CHML: variants seen among roughly 807,000 people sequenced by gnomAD.
The protein encoded by CHML is rab proteins geranylgeranyltransferase component A 2.
In CHML, 20 loss-of-function variants were observed where a neutral mutation model predicts 30.4. That is an observed-to-expected ratio of 0.66 (90% CI 0.46 to 0.95). The LOEUF is 0.95. Ranked by LOEUF, CHML falls within the 40% of genes least tolerant of loss-of-function variation. The probability of loss-of-function intolerance (pLI) is 0.00; values close to 1 mark genes in which losing one functional copy is unlikely to be tolerated. For missense variants in CHML, 795 were observed against 768.5 expected (o/e 1.03, Z -0.41); for synonymous variants, 281 against 275.0 (o/e 1.02, Z -0.22).
Position 241,635,833 on chromosome 1 carries a change from A to G in CHML, c.-67T>C. 6.8e-7 allele frequency: 1 copy of G among 1,470,616 alleles called. No individual in the cohort carries two copies. The highest frequency in any genetic ancestry group is 9.2e-7 in the Non-Finnish European group (1 of 1,083,288). The allele number at this position is 1,470,616 out of a possible 1,614,324, so 91.1% of individuals were successfully genotyped here. ...AAATGAGGTGTGATTATGCTGTAAT[A>G]AAATCTGTCCTTCTGATGTTCCAGT... is the stretch of plus-strand genomic sequence containing the variant. On this transcript the variant is annotated 5_prime_UTR_variant, in exon 2 of 2. Transcript: ENST00000366553.
At chr1:241,639,380 C>G (rs1446594133) in intron 1 of CHML, 1 of 152,196 alleles carries the variant, frequency 6.6e-6, no homozygotes, top group Non-Finnish European at 1.5e-5. Context: ...TTTTTTTACA[C>G]ATTGTTATTT....
rs1222331869 is a variant in CHML at position 241,636,077 on chromosome 1, AAAG to A, written c.-307-7_-307-5del. Reference sequence around the variant, plus strand: ...CATTTGTGACTGGAACTCTTCTCTGAAAGAAGAAAATTCAAGAAAGAATACATT... The same window carrying A: ...CATTTGTGACTGGAACTCTTCTCTGAAAGAAAATTCAAGAAAGAATACATT... On this transcript the variant is annotated splice_region_variant and splice_polypyrimidine_tract_variant and intron_variant, in intron 1 of 1. Transcript: ENST00000366553. The A allele has an allele frequency of 6.8e-6, 3 of 439,812 alleles. No homozygotes were observed. Among genetic ancestry groups the A allele is most frequent in the Non-Finnish European group, 8.0e-6 (2 of 250,394 alleles). 27.2% of individuals were successfully genotyped at this position (439,812 alleles called of 1,614,324 possible).
In CHML at chr1:241,635,046, G is replaced by C. The variant is rs753279111; in HGVS notation, c.721C>G (p.Gln241Glu). 2 of 1,613,060 alleles carry C rather than the reference G, an allele frequency of 1.2e-6. No homozygotes were observed. The highest frequency in any genetic ancestry group is 1.7e-6 in the Non-Finnish European group (2 of 1,179,806). The change falls in exon 2 of 2, where the codon CAA (glutamine) becomes GAA (glutamate). Residue 241 changes from glutamine to glutamate, a missense_variant. By Grantham distance (29) the Gln-to-Glu change is conservative. Coordinates refer to ENST00000366553, the MANE Select transcript of CHML (RefSeq NM_001381853.1). ...IDLVSKLLYS[Q>E]GLLIDLLIKS... Reference sequence around the variant, plus strand: ...ATTAAAAGATCAATTAGCAATCCTTGAGAATACAGCAGTTTTGACACCAAA... The same window carrying C: ...ATTAAAAGATCAATTAGCAATCCTTCAGAATACAGCAGTTTTGACACCAAA...
At position 241,635,955 on chromosome 1, in the gene CHML, CAA is replaced by C; in HGVS notation, c.-191_-190del. 1.7e-6 allele frequency: 1 copy of C among 583,252 alleles called. No homozygotes were observed. The highest frequency in any genetic ancestry group is 3.5e-5 in the Admixed American group (1 of 28,626). 36.1% of individuals were successfully genotyped at this position (583,252 alleles called of 1,614,324 possible). A position where few individuals can be genotyped will look rare whatever the true frequency, so the allele number is the denominator to read the frequency against. On this transcript the variant is annotated 5_prime_UTR_variant, in exon 2 of 2. The change abolishes the stop of an existing upstream ORF in the 5' untranslated region. Transcript: ENST00000366553. ...TAAGTCAGTAGCATAAAAACATGAG[CAA>C]GTACATCTAATCACATCTGAGAATA...
intron 1 of CHML, chr1:241,639,355 G>A (rs963753487): frequency 7.9e-5 from 12 of 152,168 alleles, no homozygotes; most frequent in African/African-American, 2.4e-4. Context: ...AGGTTTACAA[G>A]TACTAATGAG....
rs962179658 is a variant in CHML at position 241,629,916 on chromosome 1, A to AT, written c.*3879dup. ...TAAGGATTTGGAGAGCAAGGCTCCC[A>AT]TTTTTTCCCCCTAAATTAAAAAAAC... is the stretch of plus-strand genomic sequence containing the variant. On this transcript the variant is annotated 3_prime_UTR_variant, in exon 2 of 2. Coordinates refer to ENST00000366553, the MANE Select transcript of CHML (RefSeq NM_001381853.1). The AT allele has an allele frequency of 2.0e-5, 3 of 151,938 alleles. No individual in the cohort carries two copies. The highest frequency in any genetic ancestry group is 7.2e-5 in the African/African-American group (3 of 41,402). The allele number at this position is 151,938 out of a possible 1,614,324, so 9.4% of individuals were successfully genotyped here.
chr1:241,639,800 G>A, intron 1 of CHML, 82 bp downstream of exon 1: 2 of 1,305,848 alleles, frequency 1.5e-6, no homozygotes, highest in Non-Finnish European at 2.0e-6. Flanking sequence ...GGGCGGGCTG[G>A]GGGGCGGACG....
In CHML at chr1:241,631,058, C is replaced by T. The variant is rs907203647; in HGVS notation, c.*2738G>A. 6.6e-6 allele frequency: 1 copy of T among 152,152 alleles called. No individual in the cohort carries two copies. Among genetic ancestry groups the T allele is most frequent in the African/African-American group, 2.4e-5 (1 of 41,542 alleles). 9.4% of individuals were successfully genotyped at this position (152,152 alleles called of 1,614,324 possible). A position where few individuals can be genotyped will look rare whatever the true frequency, so the allele number is the denominator to read the frequency against. On this transcript the variant is annotated 3_prime_UTR_variant, in exon 2 of 2. Transcript: ENST00000366553. ...CTGTCCTTCATGATACATGGATAGACATTATTTAAACATTTGAAAAAGTTC... is the reference window on the plus strand; with the variant it reads ...CTGTCCTTCATGATACATGGATAGATATTATTTAAACATTTGAAAAAGTTC...
Position 241,631,640 on chromosome 1 carries a change from GATA to G in CHML, c.*2153_*2155del, listed in dbSNP as rs1333374224. ...GTGTATTCCGAACAAATTTTGGCCT[GATA>G]ATATTTTTTGTAACACAATCTTCAG... On this transcript the variant is annotated 3_prime_UTR_variant, in exon 2 of 2. Transcript: ENST00000366553. 2.6e-5 allele frequency: 4 copies of G among 152,088 alleles called. No individual in the cohort carries two copies. Among genetic ancestry groups the G allele is most frequent in the Admixed American group, 6.5e-5 (1 of 15,268 alleles). 9.4% of individuals were successfully genotyped at this position (152,088 alleles called of 1,614,324 possible).
At chr1:241,637,684 G>A (rs1294435664) in intron 1 of CHML, among the ~76,000 whole-genome samples, 2 of 152,198 alleles carry the variant, frequency 1.3e-5, no homozygotes, top group Non-Finnish European at 2.9e-5. Context: ...TGCAAAGCAA[G>A]TAGGATGGCC....
chr1:241,634,718 G>C lies in CHML; in HGVS notation c.1049C>G (p.Ser350Cys), dbSNP rs1263495588. Reference sequence around the variant, plus strand: ...GTTAAGACCATCTATTGTAGTGCAAGATGATTCTGATGTCATTGCAATTGA... The same window carrying C: ...GTTAAGACCATCTATTGTAGTGCAACATGATTCTGATGTCATTGCAATTGA... ...LHSIAMTSES[S>C]CTTIDGLNAT... Residue 350 changes from serine (S) to cysteine (C), a missense_variant, in exon 2 of 2, where the codon TCT (serine) becomes TGT (cysteine). Transcript: ENST00000366553. The C allele has an allele frequency of 1.2e-6, 2 of 1,613,960 alleles. No homozygotes were observed. The highest frequency in any genetic ancestry group is 1.7e-6 in the Non-Finnish European group (2 of 1,179,862).
Position 241,640,012 on chromosome 1 carries a change from G to A in CHML, c.-438C>T. 2 of 1,613,462 alleles carry A rather than the reference G, an allele frequency of 1.2e-6. No individual in the cohort carries two copies. The highest frequency in any genetic ancestry group is 1.7e-6 in the Non-Finnish European group (2 of 1,179,758). Reference sequence around the variant, plus strand: ...CCAGCAGGTCGCTGAGGCTGATGTTGACCAGGAGGAGGTGAGTGGGAGTGC... The same window carrying A: ...CCAGCAGGTCGCTGAGGCTGATGTTAACCAGGAGGAGGTGAGTGGGAGTGC... On this transcript the variant is annotated 5_prime_UTR_variant, in exon 1 of 2. Coordinates refer to ENST00000366553, the MANE Select transcript of CHML (RefSeq NM_001381853.1).
rs1394111213 is a variant in CHML, at chr1:241,632,112, G to A, written c.*1684C>T. 1 of 152,098 alleles carries A rather than the reference G, an allele frequency of 6.6e-6. No homozygotes were observed. The highest frequency in any genetic ancestry group is 1.9e-4 in the East Asian group (1 of 5,190). The allele number at this position is 152,098 out of a possible 1,614,324, so 9.4% of individuals were successfully genotyped here. ...CCTGGTGGGAGATAACTGAATCATG[G>A]AGTTGTTTCCCCCATACTGTTCTCA... On this transcript the variant is annotated 3_prime_UTR_variant, in exon 2 of 2. Coordinates refer to ENST00000366553, the MANE Select transcript of CHML (RefSeq NM_001381853.1).
In CHML at chr1:241,639,931, C is replaced by T. The variant is rs1299491448; in HGVS notation, c.-357G>A. 3.1e-6 allele frequency: 5 copies of T among 1,607,370 alleles called. No individual in the cohort carries two copies. The highest frequency in any genetic ancestry group is 4.2e-6 in the Non-Finnish European group (5 of 1,177,318). On this transcript the variant is annotated 5_prime_UTR_variant, in exon 1 of 2. The change creates a new upstream start codon in the 5' untranslated region. Coordinates refer to ENST00000366553, the MANE Select transcript of CHML (RefSeq NM_001381853.1). ...CCCACACGCAGCCCACGGTGTCCCA[C>T]ACCCAGCCGTTCCTCAGGCAGGACA... is the stretch of plus-strand genomic sequence containing the variant.
In CHML at chr1:241,630,780, G is replaced by A. The variant is rs1238239324; in HGVS notation, c.*3016C>T. 1 of 151,938 alleles carries A rather than the reference G, an allele frequency of 6.6e-6. No homozygotes were observed. The highest frequency in any genetic ancestry group is 1.5e-5 in the Non-Finnish European group (1 of 67,934). The allele number at this position is 151,938 out of a possible 1,614,324, so 9.4% of individuals were successfully genotyped here. ...ATTGCCAGAGAAATAATTAAATCAAGGGTGAATGATGAATTTTTGAAAAGT... is the reference window on the plus strand; with the variant it reads ...ATTGCCAGAGAAATAATTAAATCAAAGGTGAATGATGAATTTTTGAAAAGT... On this transcript the variant is annotated 3_prime_UTR_variant, in exon 2 of 2. Transcript: ENST00000366553.
In CHML at chr1:241,629,672, T is replaced by C. The variant is rs1300465385; in HGVS notation, c.*4124A>G. On this transcript the variant is annotated 3_prime_UTR_variant, in exon 2 of 2. Transcript: ENST00000366553. ...GCCATGAAGTTCCTTTATACCACTATTGGTGTGAGACTTGTAGTATTTTTC... is the reference window on the plus strand; with the variant it reads ...GCCATGAAGTTCCTTTATACCACTACTGGTGTGAGACTTGTAGTATTTTTC... 1 of 152,110 alleles carries C rather than the reference T, an allele frequency of 6.6e-6. No homozygotes were observed. Among genetic ancestry groups the C allele is most frequent in the Non-Finnish European group, 1.5e-5 (1 of 67,940 alleles). The allele number at this position is 152,110 out of a possible 1,614,324, so 9.4% of individuals were successfully genotyped here.
rs1187184829 is a variant in CHML, at chr1:241,633,121, A to G, written c.*675T>C. 2.0e-5 allele frequency: 3 copies of G among 152,174 alleles called. No individual in the cohort carries two copies. The highest frequency in any genetic ancestry group is 1.3e-4 in the Admixed American group (2 of 15,272). 9.4% of individuals were successfully genotyped at this position (152,174 alleles called of 1,614,324 possible). A position where few individuals can be genotyped will look rare whatever the true frequency, so the allele number is the denominator to read the frequency against. On this transcript the variant is annotated 3_prime_UTR_variant, in exon 2 of 2. Transcript: ENST00000366553. ...CTTTACAACCACTAATTGAACTCCA[A>G]TTCTTTTTGTAAATTAGAATACTGT...
Position 241,631,820 on chromosome 1 carries a change from C to T in CHML, c.*1976G>A, listed in dbSNP as rs970334884. 7 of 152,112 alleles carry T rather than the reference C, an allele frequency of 4.6e-5. No homozygotes were observed. Among genetic ancestry groups the T allele is most frequent in the Non-Finnish European group, 1.0e-4 (7 of 68,000 alleles). The allele number at this position is 152,112 out of a possible 1,614,324, so 9.4% of individuals were successfully genotyped here. A position where few individuals can be genotyped will look rare whatever the true frequency, so the allele number is the denominator to read the frequency against. On this transcript the variant is annotated 3_prime_UTR_variant, in exon 2 of 2. Coordinates refer to ENST00000366553, the MANE Select transcript of CHML (RefSeq NM_001381853.1). ...AGGACCAGTGTGTGCTTTTTACCCCCGGCAATGCTAGACTAATTTTCGTGG... is the reference window on the plus strand; with the variant it reads ...AGGACCAGTGTGTGCTTTTTACCCCTGGCAATGCTAGACTAATTTTCGTGG...
rs1487005336 is a variant in CHML, at chr1:241,633,228, C to T, written c.*568G>A. Reference sequence around the variant, plus strand: ...CCTTCACAGTGCATAAAGGATCATGCAAAGCTAATCTTTAAACGATTATAG... The same window carrying T: ...CCTTCACAGTGCATAAAGGATCATGTAAAGCTAATCTTTAAACGATTATAG... On this transcript the variant is annotated 3_prime_UTR_variant, in exon 2 of 2. Coordinates refer to ENST00000366553, the MANE Select transcript of CHML (RefSeq NM_001381853.1). 6.5e-6 allele frequency: 1 copy of T among 155,028 alleles called. No individual in the cohort carries two copies. Among genetic ancestry groups the T allele is most frequent in the Non-Finnish European group, 1.4e-5 (1 of 69,900 alleles). The allele number at this position is 155,028 out of a possible 1,614,324, so 9.6% of individuals were successfully genotyped here.
Sources: allele counts gnomAD v4.1 joint callset (sites outside exome capture counted in the v4.1 genomes callset), GRCh38; gene constraint gnomAD v4.1.1; transcripts MANE v1.5; gene names NCBI Gene and HGNC (gene_info 2026-07-23, HGNC 2026-07-21).